Variants in NTNG1 observed in about 807,000 individuals in gnomAD.
NTNG1 encodes netrin G1, also known as netrin-G1.
In NTNG1, 16 loss-of-function variants were observed where a neutral mutation model predicts 54.0. The observed-to-expected ratio is 0.30, with a 90% CI of 0.20 to 0.45. NTNG1 has a LOEUF of 0.45. Among genes scored for constraint, NTNG1 ranks in the 20% least tolerant of loss-of-function variants. The probability of loss-of-function intolerance (pLI) is 1.00; values close to 1 mark genes in which losing one functional copy is unlikely to be tolerated. For synonymous variants in NTNG1, 255 were observed against 263.1 expected (o/e 0.97, Z 0.30); for missense variants, 530 against 678.7 (o/e 0.78, Z 2.43).
intron 7 of NTNG1, among the ~76,000 whole-genome samples, chr1:107,455,292 G>A (rs759579783): frequency 2.0e-5 from 3 of 152,168 alleles, no homozygotes; most frequent in Non-Finnish European, 4.4e-5. Flanking sequence ...TCGAACTCCT[G>A]ACCTCCAGTG....
At chr1:107,433,421 C>T (rs909059785) in intron 6 of NTNG1, among the ~76,000 whole-genome samples, 3 of 152,194 alleles carry the variant, frequency 2.0e-5, no homozygotes, top group African/African-American at 2.4e-5. Flanking sequence ...TGGCCTGTGC[C>T]TGTAATCCCA....
chr1:107,284,358 C>T (rs1388517888), intron 2 of NTNG1, among the ~76,000 whole-genome samples: 1 of 152,090 alleles, frequency 6.6e-6, no homozygotes, highest in Non-Finnish European at 1.5e-5. Flanking sequence ...ACTTGAATAT[C>T]CCCACTCTCA....
At chr1:107,185,702 TGGTTAAAACA>T (rs1657406277) in intron 2 of NTNG1, among the ~76,000 whole-genome samples, 3 of 152,200 alleles carry the variant, frequency 2.0e-5, no homozygotes, top group African/African-American at 7.2e-5. Context: ...GTGCTTCAAT[TGGTTAAAACA>T]GCCACAATCA....
At chr1:107,220,072 G>A (rs1660237761) in intron 2 of NTNG1, among the ~76,000 whole-genome samples, 1 of 152,150 alleles carries the variant, frequency 6.6e-6, no homozygotes, top group Admixed American at 6.5e-5. Context: ...CCCAAGGAGT[G>A]TGGTTTCCAG....
intron 5 of NTNG1, among the ~76,000 whole-genome samples, chr1:107,419,907 T>C (rs1481026863): frequency 2.0e-5 from 3 of 152,084 alleles, no homozygotes; most frequent in African/African-American, 7.2e-5. Context: ...ATGAATTTTT[T>C]CAAGTTTCTG....
intron 7 of NTNG1, among the ~76,000 whole-genome samples, chr1:107,456,935 A>G (rs1335092671): frequency 1.3e-5 from 2 of 152,236 alleles, no homozygotes; most frequent in Non-Finnish European, 2.9e-5. Flanking sequence ...TGTCATATAA[A>G]TCAATATACT....
At chr1:107,242,262 G>C (rs555951400) in intron 2 of NTNG1, among the ~76,000 whole-genome samples, 1 of 152,190 alleles carries the variant, frequency 6.6e-6, no homozygotes, top group Admixed American at 6.5e-5. Context: ...TTTGCCGTGA[G>C]GCAAGATTAC....
At chr1:107,334,965 CTA>C (rs532715689) in intron 3 of NTNG1, among the ~76,000 whole-genome samples, 11 of 152,082 alleles carry the variant, frequency 7.2e-5, no homozygotes, top group Middle Eastern at 3.4e-3. Flanking sequence ...TTGTTTTTGG[CTA>C]TGTCACTTCA....
At chr1:107,414,842 A>G (rs1171768633) in intron 5 of NTNG1, among the ~76,000 whole-genome samples, 1 of 152,140 alleles carries the variant, frequency 6.6e-6, no homozygotes, top group Non-Finnish European at 1.5e-5. Context: ...CTAGGCACAA[A>G]GCAGTTAAGG....
At chr1:107,172,889 C>T (rs1015661697) in intron 2 of NTNG1, among the ~76,000 whole-genome samples, 1 of 152,154 alleles carries the variant, frequency 6.6e-6, no homozygotes, top group African/African-American at 2.4e-5. Context: ...TCTTGGCAGA[C>T]TCTAAAGTAG....
At chr1:107,221,054 T>A (rs1660308183) in intron 2 of NTNG1, among the ~76,000 whole-genome samples, 1 of 152,206 alleles carries the variant, frequency 6.6e-6, no homozygotes, top group African/African-American at 2.4e-5. Context: ...TAAAGGTAAT[T>A]TAGTACCTAC....
intron 7 of NTNG1, among the ~76,000 whole-genome samples, chr1:107,470,795 G>A (rs1028458623): frequency 2.0e-5 from 3 of 152,216 alleles, no homozygotes; most frequent in Non-Finnish European, 4.4e-5. Flanking sequence ...GTGTCTGAAG[G>A]TGTTGACCTA....
At chr1:107,264,267 G>A (rs1663582622) in intron 2 of NTNG1, among the ~76,000 whole-genome samples, 1 of 152,098 alleles carries the variant, frequency 6.6e-6, no homozygotes, top group Non-Finnish European at 1.5e-5. Context: ...TCTTTAAGGT[G>A]ACAGTGAGAG....
chr1:107,245,798 C>T (rs1280998831), intron 2 of NTNG1, among the ~76,000 whole-genome samples: 1 of 152,100 alleles, frequency 6.6e-6, no homozygotes, highest in African/African-American at 2.4e-5. Context: ...GGTGTTAATA[C>T]TAAGTCACTA....
chr1:107,281,452 A>G (rs1418086500), intron 2 of NTNG1, among the ~76,000 whole-genome samples: 1 of 152,132 alleles, frequency 6.6e-6, no homozygotes, highest in East Asian at 1.9e-4. Context: ...CTTGATGGTT[A>G]TGTTCAAGAG....
At chr1:107,167,230 C>T (rs978427518) in intron 2 of NTNG1, among the ~76,000 whole-genome samples, 4 of 151,894 alleles carry the variant, frequency 2.6e-5, no homozygotes, top group African/African-American at 9.7e-5. Context: ...CTTCATGAGA[C>T]TGTCTACAGT....
intron 2 of NTNG1, among the ~76,000 whole-genome samples, chr1:107,304,920 T>C (rs1340278143): frequency 1.3e-5 from 2 of 152,140 alleles, no homozygotes; most frequent in East Asian, 3.9e-4. Flanking sequence ...TGGTGTATGA[T>C]ATTCCCCTCC....
intron 2 of NTNG1, among the ~76,000 whole-genome samples, chr1:107,186,031 T>G (rs1657436021): frequency 6.6e-6 from 1 of 152,098 alleles, no homozygotes; most frequent in African/African-American, 2.4e-5. Context: ...ACGCCCACCC[T>G]CCCACTCTTC....
At chr1:107,289,156 C>T (rs1456029265) in intron 2 of NTNG1, among the ~76,000 whole-genome samples, 5 of 152,160 alleles carry the variant, frequency 3.3e-5, no homozygotes, top group Admixed American at 6.6e-5. Context: ...AAAATTCATA[C>T]GTGCTCTGAA....
Sources: allele counts gnomAD v4.1 joint callset (sites outside exome capture counted in the v4.1 genomes callset), GRCh38; gene constraint gnomAD v4.1.1; transcripts MANE v1.5; gene names NCBI Gene and HGNC (gene_info 2026-07-23, HGNC 2026-07-21).